PARD3: variants seen among roughly 807,000 people sequenced by gnomAD.
PARD3 encodes partitioning defective 3 homolog.
In PARD3, 75 loss-of-function variants were observed where a neutral mutation model predicts 155.4. The observed-to-expected ratio is 0.48, with a 90% CI of 0.40 to 0.58. The LOEUF (loss-of-function observed/expected upper bound fraction) is 0.58, where lower values mean the gene tolerates loss of function less well. Among genes scored for constraint, PARD3 ranks in the 20% least tolerant of loss-of-function variants. The probability of loss-of-function intolerance (pLI) is 0.00; values close to 1 mark genes in which losing one functional copy is unlikely to be tolerated. For synonymous variants in PARD3, 576 were observed against 610.5 expected, an observed-to-expected ratio of 0.94 and a Z score of 0.83; for missense variants, 1,642 against 1,721.7, an observed-to-expected ratio of 0.95 and a Z score of 0.82.
At chr10:34,480,509 G>A (rs189693332) in intron 3 of PARD3, among the ~76,000 whole-genome samples, 1 of 152,170 alleles carries the variant, frequency 6.6e-6, no homozygotes, top group Non-Finnish European at 1.5e-5. Flanking sequence ...AAAGCCTTGA[G>A]ATTACCAGCA....
At position 34,265,506 on chromosome 10, in the gene PARD3, C is replaced by T. The variant is rs187856762; in HGVS notation, c.3419+4151G>A. 7.6e-4 allele frequency among the ~76,000 whole-genome samples: 115 copies of T among 152,254 alleles called. 1 individual carries two copies. Among genetic ancestry groups the T allele is most frequent in the Non-Finnish European group, 1.4e-3 (93 of 68,020 alleles). On this transcript the variant is annotated intron_variant, in intron 22 of 24. Coordinates refer to ENST00000374788, the MANE Select transcript of PARD3 (RefSeq NM_001184785.2). ...AGGCTACACATCAGACTGTCAACTG[C>T]CTGCATTCCCATGAAATCCAAAAAT...
intron 5 of PARD3, among the ~76,000 whole-genome samples, chr10:34,424,655 C>T (rs1379161613): frequency 6.6e-6 from 1 of 152,102 alleles, no homozygotes; most frequent in Non-Finnish European, 1.5e-5. Context: ...GCTGGGACTA[C>T]AGGCGCGCAC....
intron 2 of PARD3, among the ~76,000 whole-genome samples, chr10:34,640,898 G>C (rs188399005): frequency 3.3e-5 from 5 of 151,762 alleles, no homozygotes; most frequent in African/African-American, 1.2e-4. Context: ...CAGGGAGGGA[G>C]GGAATGTGAT....
intron 22 of PARD3, among the ~76,000 whole-genome samples, chr10:34,197,886 C>T (rs866487200): frequency 8.5e-5 from 13 of 152,280 alleles, no homozygotes; most frequent in Admixed American, 2.6e-4. Flanking sequence ...CACGCCACCA[C>T]GCCCAGCTAA....
At chr10:34,707,446 GTC>G (rs1363851294) in intron 1 of PARD3, among the ~76,000 whole-genome samples, 1 of 151,944 alleles carries the variant, frequency 6.6e-6, no homozygotes, top group Non-Finnish European at 1.5e-5. Context: ...CAAAAAAAAA[GTC>G]TCTGGAGGAA....
chr10:34,555,094 C>T (rs1389365781), intron 2 of PARD3, among the ~76,000 whole-genome samples: 1 of 152,152 alleles, frequency 6.6e-6, no homozygotes, highest in African/African-American at 2.4e-5. Flanking sequence ...CAAAAGTGAA[C>T]CCTCACGTCA....
intron 1 of PARD3, among the ~76,000 whole-genome samples, chr10:34,788,242 T>C (rs922373875): frequency 2.0e-5 from 3 of 152,088 alleles, no homozygotes; most frequent in African/African-American, 7.2e-5. Context: ...ACACATTGCT[T>C]TCCAAACTAT....
chr10:34,504,787 G>C (rs548181245), intron 3 of PARD3, among the ~76,000 whole-genome samples: 2 of 152,310 alleles, frequency 1.3e-5, no homozygotes, highest in South Asian at 2.1e-4. Flanking sequence ...GGGTAGAGGA[G>C]CCAGGCAGGA....
At chr10:34,433,025 A>G (rs1271427617) in intron 5 of PARD3, among the ~76,000 whole-genome samples, 2 of 152,216 alleles carry the variant, frequency 1.3e-5, no homozygotes, top group African/African-American at 4.8e-5. Context: ...CAGCAGGGGG[A>G]AAACTGCACA....
At chr10:34,278,976 C>T (rs1057168226) in intron 21 of PARD3, among the ~76,000 whole-genome samples, 9 of 152,068 alleles carry the variant, frequency 5.9e-5, no homozygotes, top group African/African-American at 2.2e-4. Context: ...ACAATTATTG[C>T]CAATGCAGAG....
chr10:34,416,769 T>C (rs1845718023), intron 5 of PARD3, among the ~76,000 whole-genome samples: 1 of 152,210 alleles, frequency 6.6e-6, no homozygotes, highest in African/African-American at 2.4e-5. Flanking sequence ...AAATAATGTA[T>C]GAATTTTGTG....
chr10:34,751,771 C>CTT (rs546186706), intron 1 of PARD3, among the ~76,000 whole-genome samples: 182 of 137,598 alleles, frequency 1.3e-3, no homozygotes, highest in Middle Eastern at 3.8e-3. Flanking sequence ...GCCTGTCTAG[C>CTT]TTTTTTTTTT....
At chr10:34,195,055 A>G (rs979239767) in intron 22 of PARD3, among the ~76,000 whole-genome samples, 11 of 152,312 alleles carry the variant, frequency 7.2e-5, no homozygotes, top group African/African-American at 2.4e-4. Flanking sequence ...TTAATAGGAG[A>G]ATCCAAATTG....
intron 13 of PARD3, among the ~76,000 whole-genome samples, chr10:34,359,854 G>A (rs916015084): frequency 6.6e-6 from 1 of 152,110 alleles, no homozygotes; most frequent in Non-Finnish European, 1.5e-5. Context: ...GCATGTCAAT[G>A]GGTTGTATGT....
At chr10:34,544,134 C>T (rs2083861067) in intron 2 of PARD3, among the ~76,000 whole-genome samples, 1 of 152,022 alleles carries the variant, frequency 6.6e-6, no homozygotes, top group African/African-American at 2.4e-5. Context: ...AGGATCCTAG[C>T]CTAACTTTTC....
chr10:34,560,255 A>AT (rs977960071), intron 2 of PARD3, among the ~76,000 whole-genome samples: 4 of 152,098 alleles, frequency 2.6e-5, no homozygotes, highest in African/African-American at 4.8e-5. Context: ...TTTACTCTGA[A>AT]TTTTTTTTCA....
intron 2 of PARD3, among the ~76,000 whole-genome samples, chr10:34,615,789 TAG>T (rs1307929243): frequency 1.3e-5 from 2 of 152,082 alleles, no homozygotes; most frequent in African/African-American, 2.4e-5. Flanking sequence ...ATGATCTAAA[TAG>T]AGAGTTCTCA....
intron 3 of PARD3, among the ~76,000 whole-genome samples, chr10:34,504,944 T>C (rs1336305842): frequency 2.0e-5 from 3 of 152,182 alleles, no homozygotes; most frequent in Non-Finnish European, 4.4e-5. Flanking sequence ...CAGGCTTTCA[T>C]GCTGACAAAA....
chr10:34,506,141 G>A (rs781489804), intron 3 of PARD3, among the ~76,000 whole-genome samples: 1 of 151,926 alleles, frequency 6.6e-6, no homozygotes, highest in South Asian at 2.1e-4. Context: ...AAAAAAAAGA[G>A]AAAAGAAAAA....
Sources: gnomAD v4.1 joint callset for allele counts (sites outside exome capture counted in the v4.1 genomes callset) on GRCh38, gnomAD v4.1.1 for gene constraint, MANE v1.5 for transcripts, NCBI Gene and HGNC (gene_info 2026-07-23, HGNC 2026-07-21) for gene names.